The following OPA3 variants were observed in gnomAD, a reference collection of about 807,000 sequenced individuals.
The protein encoded by OPA3 is outer mitochondrial membrane lipid metabolism regulator OPA3, also known as optic atrophy 3 protein.
A neutral mutation model predicts 4.0 loss-of-function variants in OPA3; 6 were observed. The observed-to-expected ratio is 1.51, with a 90% CI of 0.83 to 2.99. OPA3 has a LOEUF of 2.99. Among genes scored for constraint, OPA3 ranks in the 30% most tolerant of loss-of-function variants. The pLI is 0.00. For synonymous variants in OPA3, 105 were observed against 117.1 expected (o/e 0.90, Z 0.67); for missense variants, 235 against 256.2 (o/e 0.92, Z 0.56).
chr19:45,530,087 C>T (rs906664463), intron 1 of OPA3, among the ~76,000 whole-genome samples: 12 of 152,168 alleles, frequency 7.9e-5, no homozygotes, highest in African/African-American at 2.9e-4. Context: ...GGCGCGGTGG[C>T]TCATGCCTGT....
chr19:45,531,950 A>G (rs1969065406), intron 1 of OPA3, among the ~76,000 whole-genome samples: 1 of 151,854 alleles, frequency 6.6e-6, no homozygotes, highest in South Asian at 2.1e-4. Flanking sequence ...TTTGCCTTTT[A>G]CTCCTGGGAG....
At chr19:45,572,305 TATC>T (rs1969680828) in intron 1 of OPA3, among the ~76,000 whole-genome samples, 4 of 118,434 alleles carry the variant, frequency 3.4e-5, no homozygotes, top group Admixed American at 8.8e-5. Flanking sequence ...ATCTCATATA[TATC>T]GACATATATG....
chr19:45,545,867 C>G (rs1369900007), downstream of OPA3, among the ~76,000 whole-genome samples: 1 of 151,794 alleles, frequency 6.6e-6, no homozygotes, highest in Non-Finnish European at 1.5e-5. Context: ...TGTGTGCCAC[C>G]ACGCCCAGCT....
At chr19:45,583,390 G>T (rs1568413082) in intron 1 of OPA3, among the ~76,000 whole-genome samples, 1 of 151,940 alleles carries the variant, frequency 6.6e-6, no homozygotes, top group Non-Finnish European at 1.5e-5. Flanking sequence ...CTGACCTCGT[G>T]ATCTGCCCAC....
rs900182829 is a variant in OPA3 at position 45,553,331 on chromosome 19, C to T, written c.*183G>A. 1.5e-5 allele frequency: 22 copies of T among 1,477,118 alleles called. No homozygotes were observed. In the African/African-American group the frequency reaches 1.7e-4, roughly 11 times the overall value. 91.5% of individuals were successfully genotyped at this position (1,477,118 alleles called of 1,614,324 possible). A position where few individuals can be genotyped will look rare whatever the true frequency, so the allele number is the denominator to read the frequency against. ...GATGATGGAGGGGGCTATGTTGCAA[C>T]GCTTCACCTGCTGGTCCCAGTGGCA... On this transcript the variant is annotated 3_prime_UTR_variant, in exon 2 of 2. Transcript: ENST00000263275.
At chr19:45,572,535 T>C (rs1969693141) in intron 1 of OPA3, among the ~76,000 whole-genome samples, 1 of 118,648 alleles carries the variant, frequency 8.4e-6, no homozygotes, top group South Asian at 2.8e-4. Context: ...GATATATATA[T>C]CATATGATAT....
intron 1 of OPA3, among the ~76,000 whole-genome samples, chr19:45,539,737 G>C (rs764575150): frequency 4.3e-4 from 64 of 150,454 alleles, no homozygotes; most frequent in Non-Finnish European, 7.7e-4. Flanking sequence ...CTGGGCGACA[G>C]AGCCAGACCT....
In OPA3 at chr19:45,549,725, C is replaced by G; in HGVS notation, c.*3789G>C. ...GATCTCCTAACATCATGTGATCAGTCCACCTTGGCCTCTCAAAGTGCTGGG... is the reference window on the plus strand; with the variant it reads ...GATCTCCTAACATCATGTGATCAGTGCACCTTGGCCTCTCAAAGTGCTGGG... On this transcript the variant is annotated 3_prime_UTR_variant, in exon 2 of 2. Transcript: ENST00000263275. 1.0e-6 allele frequency: 1 copy of G among 977,926 alleles called. No individual in the cohort carries two copies. The highest frequency in any genetic ancestry group is 1.2e-6 in the Non-Finnish European group (1 of 823,282). The allele number at this position is 977,926 out of a possible 1,614,324, so 60.6% of individuals were successfully genotyped here.
chr19:45,531,757 T>C (rs932194163), intron 1 of OPA3, among the ~76,000 whole-genome samples: 1 of 152,218 alleles, frequency 6.6e-6, no homozygotes, highest in African/African-American at 2.4e-5. Flanking sequence ...GGTTCCACGA[T>C]GTGTAAAGGC....
intron 1 of OPA3, among the ~76,000 whole-genome samples, chr19:45,537,091 T>G (rs560586634): frequency 6.6e-6 from 1 of 152,272 alleles, no homozygotes; most frequent in East Asian, 1.9e-4. Flanking sequence ...TAGCCCGGTA[T>G]GCTGGTGCAC....
At chr19:45,533,781 G>C (rs1331129965) in intron 1 of OPA3, among the ~76,000 whole-genome samples, 1 of 152,158 alleles carries the variant, frequency 6.6e-6, no homozygotes, top group Non-Finnish European at 1.5e-5. Flanking sequence ...GAAAACCCAG[G>C]GATTGGTTTC....
chr19:45,557,345 G>A (rs963848650), intron 1 of OPA3, among the ~76,000 whole-genome samples: 6 of 152,132 alleles, frequency 3.9e-5, no homozygotes, highest in East Asian at 1.9e-4. Flanking sequence ...TCGGGCCAGC[G>A]GTCAGATGTG....
downstream of OPA3, among the ~76,000 whole-genome samples, chr19:45,544,918 G>A (rs1285390195): frequency 1.3e-5 from 2 of 152,018 alleles, no homozygotes; most frequent in African/African-American, 4.8e-5. Context: ...AGGAGGCGGA[G>A]GTTGTGGTGA....
intron 1 of OPA3, among the ~76,000 whole-genome samples, chr19:45,535,998 A>C (rs535515470): frequency 1.8e-4 from 28 of 152,032 alleles, no homozygotes; most frequent in African/African-American, 6.3e-4. Context: ...AGGCCAAGGT[A>C]GGCGGATCAC....
chr19:45,573,433 A>G (rs1969718464), intron 1 of OPA3, among the ~76,000 whole-genome samples: 1 of 152,152 alleles, frequency 6.6e-6, no homozygotes, highest in African/African-American at 2.4e-5. Flanking sequence ...CCTGGGCAAC[A>G]AGAGCGAAAC....
intron 1 of OPA3, among the ~76,000 whole-genome samples, chr19:45,580,143 C>T (rs868389535): frequency 1.6e-4 from 22 of 136,040 alleles, no homozygotes; most frequent in East Asian, 2.3e-4. Flanking sequence ...ATTACAGGCG[C>T]GTGCCACCAC....
downstream of OPA3, chr19:45,546,203 G>T: frequency 6.3e-6 from 1 of 159,114 alleles, no homozygotes. Context: ...TAAGTATATA[G>T]AATGCATATA....
At chr19:45,573,096 C>T (rs1969712905) in intron 1 of OPA3, among the ~76,000 whole-genome samples, 1 of 151,926 alleles carries the variant, frequency 6.6e-6, no homozygotes, top group African/African-American at 2.4e-5. Context: ...CAGTCTCTAC[C>T]TAGGGCAAAG....
At chr19:45,582,169 T>A (rs1429374885) in intron 1 of OPA3, among the ~76,000 whole-genome samples, 4 of 151,590 alleles carry the variant, frequency 2.6e-5, no homozygotes, top group Admixed American at 1.3e-4. Context: ...TTATTTTATT[T>A]TTTTTTTTTG....
Sources: gnomAD v4.1 joint callset for allele counts (sites outside exome capture counted in the v4.1 genomes callset) on GRCh38, gnomAD v4.1.1 for gene constraint, MANE v1.5 for transcripts, NCBI Gene and HGNC (gene_info 2026-07-23, HGNC 2026-07-21) for gene names.